The following PERM1 variants were observed in gnomAD, a reference collection of about 807,000 sequenced individuals.
PERM1 encodes PGC-1 and ERR-induced regulator in muscle protein 1.
Under a neutral mutation model 44.1 loss-of-function variants are expected in PERM1, and 45 were observed. The ratio of observed to expected loss-of-function variants is 1.02; its 90% CI spans 0.80 to 1.31. The LOEUF (loss-of-function observed/expected upper bound fraction) is 1.31. Ranked by LOEUF, PERM1 falls within the 50% of genes most tolerant of loss-of-function variation. The probability of loss-of-function intolerance (pLI) is 0.00; values close to 1 mark genes in which losing one functional copy is unlikely to be tolerated. For missense variants in PERM1, 1,189 were observed against 1,106.9 expected (o/e 1.07, Z -1.05); for synonymous variants, 565 against 477.1 (o/e 1.18, Z -2.40).
exon 1 of PERM1, chr1:980,372 T>C (rs763766254): frequency 1.3e-6 from 2 of 1,550,130 alleles, no homozygotes; most frequent in South Asian, 2.4e-5. Context: ...GCTTTGGCCA[T>C]CAGCTTTGCC....
chr1:978,817 GC>G (rs1410597483), intron 1 of PERM1, 63 bp downstream of exon 2: 55 of 1,387,276 alleles, frequency 4.0e-5, no homozygotes, highest in Non-Finnish European at 4.8e-5. Context: ...CCCCTGCTTG[GC>G]CAAGATCCCT....
At chr1:978,965 G>T in exon 1 of PERM1, 2 of 1,509,334 alleles carry the variant, frequency 1.3e-6, no homozygotes, top group South Asian at 1.3e-5. Context: ...GAGGCCGACC[G>T]GGGAGGCTCC....
upstream of PERM1, chr1:981,293 A>C: frequency 1.2e-5 from 12 of 969,992 alleles, no homozygotes; most frequent in East Asian, 5.7e-5. Context: ...CGCACCCCAA[A>C]TGATAGCTGT....
At chr1:978,127 C>T (rs1465216503) in intron 1 of PERM1, among the ~76,000 whole-genome samples, 1 of 108,284 alleles carries the variant, frequency 9.2e-6, no homozygotes. Flanking sequence ...CGCACACGGC[C>T]GCCCCGGGAA....
At chr1:975,209 G>A (rs1443805892) in exon 3 of PERM1, 1 of 152,580 alleles carries the variant, frequency 6.6e-6, no homozygotes, top group Non-Finnish European at 1.5e-5. Context: ...AAAAAGAAAA[G>A]ATAGAATTTT....
chr1:981,171 G>T (rs1351243437), upstream of PERM1: 2 of 1,547,728 alleles, frequency 1.3e-6, no homozygotes, highest in Non-Finnish European at 1.7e-6. Flanking sequence ...CTCCATCCAT[G>T]CCCTGAAAGG....
intron 1 of PERM1, 94 bp downstream of exon 2, chr1:978,787 G>T: frequency 8.1e-7 from 1 of 1,230,838 alleles, no homozygotes; most frequent in Non-Finnish European, 1.1e-6. Flanking sequence ...CCCAAGCCCG[G>T]CCTGCCCGGC....
exon 1 of PERM1, chr1:979,142 G>T (rs930930835): frequency 3.9e-6 from 6 of 1,550,074 alleles, no homozygotes; most frequent in Admixed American, 2.0e-5. Flanking sequence ...GACCCCCGCC[G>T]CCTCGACCTC....
chr1:979,322 C>T (rs751582441), exon 1 of PERM1: 1 of 1,532,912 alleles, frequency 6.5e-7, no homozygotes, highest in South Asian at 1.2e-5. Flanking sequence ...CCGGGCCCGA[C>T]CCTCGTCACG....
At position 978,668 on chromosome 1, in the gene PERM1, G is replaced by A. The variant is rs189428827; in HGVS notation, c.2149+213C>T. Among the ~76,000 whole-genome samples the A allele has an allele frequency of 3.8e-3, 582 of 152,330 alleles. 4 individuals are homozygous for A. Among genetic ancestry groups the A allele is most frequent in the Admixed American group, 7.1e-3 (109 of 15,310 alleles). Reference sequence around the variant, plus strand: ...GGCCCGAACACAGGGCAACGGCGGCGCAGAGCCAACCCCCTGAACAACCCG... The same window carrying A: ...GGCCCGAACACAGGGCAACGGCGGCACAGAGCCAACCCCCTGAACAACCCG... On this transcript the variant is annotated intron_variant, in intron 1 of 2. Transcript: ENST00000433179.
Position 979,418 on chromosome 1 carries a change from GC to G in PERM1, c.1611del (p.Gly539GlufsTer29), listed in dbSNP as rs1162604496. ...ACAGCCACAGCCTCCCAGGCTCCGG[GC>G]CCCCCGTGGGCCCCAGTTGCTGTCT... is the stretch of plus-strand genomic sequence containing the variant. On this transcript the variant is annotated frameshift_variant, in exon 1 of 3. Coordinates refer to ENST00000433179, the Ensembl canonical transcript of PERM1. LOFTEE classifies it high-confidence loss of function. 7.9e-6 allele frequency: 12 copies of G among 1,525,488 alleles called. No homozygotes were observed. The African/African-American group carries it at 1.5e-4, about 19-fold the overall frequency. The allele number at this position is 1,525,488 out of a possible 1,614,324, so 94.5% of individuals were successfully genotyped here. A position where few individuals can be genotyped will look rare whatever the true frequency, so the allele number is the denominator to read the frequency against.
At chr1:976,164 C>T in exon 3 of PERM1, 4 of 1,546,078 alleles carry the variant, frequency 2.6e-6, no homozygotes, top group South Asian at 1.2e-5. Context: ...CTGGCCCGGG[C>T]CTGGCTCCTA....
At chr1:975,391 A>C (rs932107689) in exon 3 of PERM1, 2 of 151,934 alleles carry the variant, frequency 1.3e-5, no homozygotes, top group African/African-American at 4.8e-5. Flanking sequence ...CAGCTGCCCC[A>C]CAGGAGCCCC....
upstream of PERM1, chr1:981,123 C>T (rs1213353834): frequency 7.7e-6 from 12 of 1,549,174 alleles, no homozygotes; most frequent in Non-Finnish European, 1.0e-5. Flanking sequence ...CATGCCGCCC[C>T]TGCCCCACGA....
At chr1:976,731 C>G in intron 1 of PERM1, 107 bp from the exon 3 acceptor site, 1 of 1,099,654 alleles carries the variant, frequency 9.1e-7, no homozygotes, top group Non-Finnish European at 1.2e-6. Context: ...CCGGGAACCG[C>G]CTCCCACTCC....
exon 1 of PERM1, chr1:979,378 T>C: frequency 6.6e-7 from 1 of 1,505,076 alleles, no homozygotes; most frequent in Non-Finnish European, 8.9e-7. Flanking sequence ...CCGAGGCTGG[T>C]GGGGCCGGGG....
At chr1:975,873 T>C (rs1422200756) in exon 3 of PERM1, 1 of 394,556 alleles carries the variant, frequency 2.5e-6, no homozygotes. Context: ...CTATTGCCTG[T>C]CTGAAATTAA....
chr1:979,346 G>T, exon 1 of PERM1: 1 of 1,517,642 alleles, frequency 6.6e-7, no homozygotes, highest in Non-Finnish European at 8.8e-7. Flanking sequence ...GAGGGAGGGG[G>T]GCGAGGCAGG....
exon 1 of PERM1, chr1:980,382 C>T (rs1468803908): frequency 5.8e-6 from 9 of 1,550,070 alleles, no homozygotes; most frequent in Non-Finnish European, 6.1e-6. Flanking sequence ...TCAGCTTTGC[C>T]GTCTCAGGAC....
Sources: gnomAD v4.1 joint callset for allele counts (sites outside exome capture counted in the v4.1 genomes callset) on GRCh38, gnomAD v4.1.1 for gene constraint, MANE v1.5 for transcripts, NCBI Gene and HGNC (gene_info 2026-07-23, HGNC 2026-07-21) for gene names.